The following TUBA4A variants were observed in gnomAD, a reference collection of about 807,000 sequenced individuals.
TUBA4A encodes the protein tubulin alpha 4a, also known as tubulin alpha-4A chain.
A neutral mutation model predicts 34.3 loss-of-function variants in TUBA4A; 23 were observed. The observed-to-expected ratio is 0.67, with a 90% CI of 0.48 to 0.95. TUBA4A has a LOEUF of 0.95. Ranked by LOEUF, TUBA4A falls within the 40% of genes least tolerant of loss-of-function variation. The probability of loss-of-function intolerance (pLI) is 0.00; values close to 1 mark genes in which losing one functional copy is unlikely to be tolerated. For synonymous variants in TUBA4A, 216 were observed against 230.5 expected (o/e 0.94, Z 0.57); for missense variants, 279 against 599.0 (o/e 0.47, Z 5.58).
In TUBA4A at chr2:219,251,795, G is replaced by C. The variant is rs1448835259; in HGVS notation, c.227-82C>G. The stretch of plus-strand genomic sequence containing the variant: ...GGTAGCTGTGGCCAGATGCATGGAA[G>C]GACTCATCCTCCTGCCAGCCTGAGA... On this transcript the variant is annotated intron_variant, in intron 2 of 3. Transcript: ENST00000248437. The surrounding 1 kb of genome is among the most constrained non-coding windows in gnomAD (Gnocchi z 6.1). 6.6e-6 allele frequency: 10 copies of C among 1,522,710 alleles called. No individual in the cohort carries two copies. The highest frequency in any genetic ancestry group is 8.9e-6 in the Non-Finnish European group (10 of 1,127,314). The allele number at this position is 1,522,710 out of a possible 1,614,324, so 94.3% of individuals were successfully genotyped here.
rs1559276681 is a variant in TUBA4A, at chr2:219,251,751, G to T, written c.227-38C>A. The T allele has an allele frequency of 6.3e-7, 1 of 1,593,022 alleles. No homozygotes were observed. Among genetic ancestry groups the T allele is most frequent in the African/African-American group, 1.3e-5 (1 of 74,630 alleles). On this transcript the variant is annotated intron_variant, in intron 2 of 3. Coordinates refer to ENST00000248437, the MANE Select transcript of TUBA4A (RefSeq NM_006000.3). The surrounding 1 kb of genome is among the most constrained non-coding windows in gnomAD (Gnocchi z 6.1). ...AAACCACAAAGCTATGCTCAGCAGG[G>T]ACCTTCCTCCCCCAGGGTGGTAGCT...
At chr2:219,253,509 C>T (rs2125071505) in intron 1 of TUBA4A, 2 of 1,120,404 alleles carry the variant, frequency 1.8e-6, no homozygotes, top group East Asian at 2.6e-5. Context: ...GGCAGCCAAA[C>T]CCGTCTTCTT....
chr2:219,253,928 A>G, upstream of TUBA4A: 1 of 1,140,258 alleles, frequency 8.8e-7, no homozygotes, highest in South Asian at 2.6e-5. Flanking sequence ...CGCTAGCTGC[A>G]GTGCCGCACC....
intron 1 of TUBA4A, chr2:219,253,487 G>A: frequency 7.7e-7 from 1 of 1,298,088 alleles, no homozygotes; most frequent in East Asian, 2.5e-5. Flanking sequence ...CCAGGGACTG[G>A]GGATGTAAGA....
In TUBA4A at chr2:219,250,402, C is replaced by T; in HGVS notation, c.1297G>A (p.Glu433Lys). 1 of 1,614,226 alleles carries T rather than the reference C, an allele frequency of 6.2e-7. No individual in the cohort carries two copies. Among genetic ancestry groups the T allele is most frequent in the Non-Finnish European group, 8.5e-7 (1 of 1,180,018 alleles). The change falls in exon 4 of 4, where the codon GAG becomes AAG. Residue 433 changes from glutamate to lysine, a missense_variant. Coordinates refer to ENST00000248437, the MANE Select transcript of TUBA4A (RefSeq NM_006000.3). This position sits in a 1 kb window ranked among gnomAD's most constrained non-coding sequence, Gnocchi z 8.4. ...TCATAGGAGTCGATGCCCACCTCCT[C>T]ATAATCCTTCTCCAGGGCAGCCATA... ...EDMAALEKDY[E>K]EVGIDSYEDE...
chr2:219,251,699 C>T lies in TUBA4A; in HGVS notation c.241G>A (p.Gly81Ser), dbSNP rs1329460337. ...EPTVIDEIRN[G>S]PYRQLFHPEQ... ...GGGTGGAAGAGCTGTCGGTATGGGC[C>T]ATTTCGGATCTCATCTGGAAGGGCA... The change falls in exon 3 of 4, where the codon GGC becomes AGC. Residue 81 changes from glycine to serine, a missense_variant. By Grantham distance (56) the Gly-to-Ser change is moderately conservative (BLOSUM62 0). Coordinates refer to ENST00000248437, the MANE Select transcript of TUBA4A (RefSeq NM_006000.3). This position sits in a 1 kb window ranked among gnomAD's most constrained non-coding sequence, Gnocchi z 6.1. The T allele has an allele frequency of 6.2e-6, 10 of 1,613,554 alleles. No individual in the cohort carries two copies. Among genetic ancestry groups the T allele is most frequent in the South Asian group, 1.1e-5 (1 of 91,072 alleles).
upstream of TUBA4A, chr2:219,254,216 T>C (rs1951696880): frequency 4.3e-6 from 1 of 235,084 alleles, no homozygotes; most frequent in African/African-American, 2.2e-5. Flanking sequence ...AGGGCGAGTC[T>C]CACCTGCACC....
Position 219,251,351 on chromosome 2 carries a change from T to A in TUBA4A, c.376-28A>T. The A allele has an allele frequency of 2.5e-6, 4 of 1,574,604 alleles. No individual in the cohort carries two copies. In the South Asian group the frequency reaches 4.7e-5, roughly 19 times the overall value. ...GAAAGGCAAGAACGAGAAAGAACAGTTTAGGTAGGGGAGGGGCCTGAGGGA... is the reference window on the plus strand; with the variant it reads ...GAAAGGCAAGAACGAGAAAGAACAGATTAGGTAGGGGAGGGGCCTGAGGGA... On this transcript the variant is annotated intron_variant, in intron 3 of 3. Coordinates refer to ENST00000248437, the MANE Select transcript of TUBA4A (RefSeq NM_006000.3). The surrounding 1 kb of genome is among the most constrained non-coding windows in gnomAD (Gnocchi z 6.1).
intron 1 of TUBA4A, chr2:219,253,209 C>T: frequency 1.3e-6 from 2 of 1,492,440 alleles, no homozygotes; most frequent in South Asian, 1.3e-5. Flanking sequence ...TCCCCCCAAC[C>T]TGGCCTCGGC....
intron 1 of TUBA4A, chr2:219,253,359 G>GC (rs1553571369): frequency 6.5e-7 from 1 of 1,531,968 alleles, no homozygotes; most frequent in Admixed American, 2.0e-5. Flanking sequence ...AGTCACGGGG[G>GC]GGGGGTGGTT....
Position 219,252,913 on chromosome 2 carries a change from A to C in TUBA4A, c.4-683T>G. ...TTAGGCTCCGTCCCTGTCAGCCCGAAATTAACCCCTAAAGCACTAAAGTCC... is the reference window on the plus strand; with the variant it reads ...TTAGGCTCCGTCCCTGTCAGCCCGACATTAACCCCTAAAGCACTAAAGTCC... On this transcript the variant is annotated intron_variant, in intron 1 of 3. Transcript: ENST00000248437. The surrounding 1 kb of genome is among the most constrained non-coding windows in gnomAD (Gnocchi z 4.1). 1 of 475,526 alleles carries C rather than the reference A, an allele frequency of 2.1e-6. No individual in the cohort carries two copies. Among genetic ancestry groups the C allele is most frequent in the Non-Finnish European group, 4.3e-6 (1 of 230,494 alleles). The allele number at this position is 475,526 out of a possible 1,614,324, so 29.5% of individuals were successfully genotyped here.
At chr2:219,253,956 G>C (rs886528154), upstream of TUBA4A, 133 of 1,182,454 alleles carry the variant, frequency 1.1e-4, no homozygotes, top group Non-Finnish European at 1.4e-4. Context: ...TAGGCGGGGG[G>C]GGGGCGGGGC....
At position 219,252,611 on chromosome 2, in the gene TUBA4A, T is replaced by G. The variant is rs6712442; in HGVS notation, c.4-381A>C. 0.77 allele frequency among the ~76,000 whole-genome samples: 117,005 copies of G among 151,200 alleles called. 48,054 individuals carry two copies. The highest frequency in any genetic ancestry group is 0.9 in the Non-Finnish European group (61,169 of 67,796). On this transcript the variant is annotated intron_variant, in intron 1 of 3. Transcript: ENST00000248437. This position sits in a 1 kb window ranked among gnomAD's most constrained non-coding sequence, Gnocchi z 4.1. ...AGAATTCATAGAACCCTTTCCCTCT[T>G]TCTTTCCTGTAAGCTGCAGAGGTGT...
At chr2:219,254,368 C>T (rs1381634439), upstream of TUBA4A, 9 of 152,710 alleles carry the variant, frequency 5.9e-5, no homozygotes, top group African/African-American at 2.2e-4. Flanking sequence ...GGCTGTGAGG[C>T]TGTGGCGCGT....
At position 219,252,316 on chromosome 2, in the gene TUBA4A, C is replaced by A; in HGVS notation, c.4-86G>T. ...AGTCTCTCTTCCACCCTATCATCTA[C>A]CAGCTAGGATGACTCAGTTGGCAAG... is the stretch of plus-strand genomic sequence containing the variant. On this transcript the variant is annotated intron_variant, in intron 1 of 3. Transcript: ENST00000248437. This position sits in a 1 kb window ranked among gnomAD's most constrained non-coding sequence, Gnocchi z 4.1. 7.8e-7 allele frequency: 1 copy of A among 1,279,906 alleles called. No individual in the cohort carries two copies. Among genetic ancestry groups the A allele is most frequent in the South Asian group, 1.3e-5 (1 of 76,394 alleles). The allele number at this position is 1,279,906 out of a possible 1,614,324, so 79.3% of individuals were successfully genotyped here. A position where few individuals can be genotyped will look rare whatever the true frequency, so the allele number is the denominator to read the frequency against.
At position 219,253,405 on chromosome 2, in the gene TUBA4A, G is replaced by C; in HGVS notation, c.3+451C>G. 4 of 1,531,322 alleles carry C rather than the reference G, an allele frequency of 2.6e-6. No homozygotes were observed. In the South Asian group the frequency reaches 4.8e-5, roughly 18 times the overall value. 94.9% of individuals were successfully genotyped at this position (1,531,322 alleles called of 1,614,324 possible). A position where few individuals can be genotyped will look rare whatever the true frequency, so the allele number is the denominator to read the frequency against. On this transcript the variant is annotated intron_variant, in intron 1 of 3. Coordinates refer to ENST00000248437, the MANE Select transcript of TUBA4A (RefSeq NM_006000.3). ...TTGGAATGCATACACAGAGGAAAGG[G>C]GGATGCGGCACCAGGTAACCTGACC...
chr2:219,250,651 C>CT lies in TUBA4A; in HGVS notation c.1047dup (p.Gly350ArgfsTer18). 1 of 1,614,260 alleles carries CT rather than the reference C, an allele frequency of 6.2e-7. No individual in the cohort carries two copies. The highest frequency in any genetic ancestry group is 1.3e-5 in the African/African-American group (1 of 75,066). ...TGGTAGTTGATACCAACCTTGAAGC[C>CT]TGTGGGGCACCAGTCCACAAACTGA... On this transcript the variant is annotated frameshift_variant, in exon 4 of 4. Transcript: ENST00000248437. LOFTEE classifies it high-confidence loss of function. The surrounding 1 kb of genome is among the most constrained non-coding windows in gnomAD (Gnocchi z 8.4).
At chr2:219,253,380 T>C (rs1238584464) in intron 1 of TUBA4A, 5 of 1,534,302 alleles carry the variant, frequency 3.3e-6, no homozygotes, top group Admixed American at 2.0e-5. Flanking sequence ...CTGTGGATAG[T>C]TGGAATGCAT....
Position 219,252,250 on chromosome 2 carries a change from G to A in TUBA4A, c.4-20C>T. On this transcript the variant is annotated intron_variant, in intron 1 of 3. Transcript: ENST00000248437. The surrounding 1 kb of genome is among the most constrained non-coding windows in gnomAD (Gnocchi z 4.1). ...TTCACGCTGAGGGATAGAGAGAGGG[G>A]ACACAGCATGAGCCCCACATCCACA... 1 of 1,600,198 alleles carries A rather than the reference G, an allele frequency of 6.2e-7. No individual in the cohort carries two copies. The highest frequency in any genetic ancestry group is 8.6e-7 in the Non-Finnish European group (1 of 1,168,286).
Sources: allele counts gnomAD v4.1 joint callset (sites outside exome capture counted in the v4.1 genomes callset), GRCh38; gene constraint gnomAD v4.1.1; non-coding constraint Gnocchi (gnomAD v3.1); transcripts MANE v1.5; gene names NCBI Gene and HGNC (gene_info 2026-07-23, HGNC 2026-07-21).